Variants in TBC1D17 observed in about 807,000 individuals in gnomAD.
The protein encoded by TBC1D17 is TBC1 domain family member 17.
TBC1D17 carries 69 observed loss-of-function variants against 78.8 expected under a neutral mutation model. The ratio of observed to expected loss-of-function variants is 0.88; its 90% CI spans 0.72 to 1.07. The LOEUF (loss-of-function observed/expected upper bound fraction) is 1.07, where lower values mean the gene tolerates loss of function less well. TBC1D17 is among the 50% of genes least tolerant of loss of function. TBC1D17 has a pLI of 0.00. For missense variants in TBC1D17, 957 were observed against 861.0 expected, an observed-to-expected ratio of 1.11 and a Z score of -1.39; for synonymous variants, 456 against 358.3, an observed-to-expected ratio of 1.27 and a Z score of -3.08.
Position 49,878,493 on chromosome 19 carries a change from C to T in TBC1D17, c.121-5C>T, listed in dbSNP as rs1453264648. The stretch of plus-strand genomic sequence containing the variant: ...CCTCTAACCCCGCCTCCCTCCTTAC[C>T]CTAGGACAATGACGTCCTCCTGCAC... On this transcript the variant is annotated splice_region_variant and splice_polypyrimidine_tract_variant and intron_variant, in intron 2 of 16. Coordinates refer to ENST00000221543, the MANE Select transcript of TBC1D17 (RefSeq NM_024682.3). 4 of 1,613,584 alleles carry T rather than the reference C, an allele frequency of 2.5e-6. No individual in the cohort carries two copies. Among genetic ancestry groups the T allele is most frequent in the East Asian group, 2.2e-5 (1 of 44,898 alleles).
In TBC1D17 at chr19:49,878,554, A is replaced by C; in HGVS notation, c.177A>C (p.Gln59His). The change falls in exon 3 of 17, where the codon CAA becomes CAC. Residue 59 changes from glutamine (Q) to histidine (H), a missense_variant. Coordinates refer to ENST00000221543, the MANE Select transcript of TBC1D17 (RefSeq NM_024682.3). ...APVEEAGDSTQILFSKKDSSG... is the reference protein window; with the variant it reads ...APVEEAGDSTHILFSKKDSSG... The stretch of plus-strand genomic sequence containing the variant: ...TAGAGGAGGCTGGAGATTCCACCCA[A>C]ATCCTCTTCTCCAAGAAGGTAGGCT... 1 of 1,614,040 alleles carries C rather than the reference A, an allele frequency of 6.2e-7. No individual in the cohort carries two copies. Among genetic ancestry groups the C allele is most frequent in the Non-Finnish European group, 8.5e-7 (1 of 1,179,980 alleles).
At chr19:49,887,600 C>T (rs773585832) in intron 14 of TBC1D17, 27 bp downstream of exon 14, 1 of 1,613,014 alleles carries the variant, frequency 6.2e-7, no homozygotes, top group Admixed American at 1.7e-5. Flanking sequence ...GGGCGAGAGG[C>T]CTGAAGGGGT....
intron 7 of TBC1D17, 121 bp from the exon 8 acceptor site, chr19:49,882,643 C>T: frequency 2.1e-6 from 3 of 1,420,278 alleles, no homozygotes; most frequent in East Asian, 2.5e-5. Flanking sequence ...GAGGCTGCTG[C>T]CTGCCCCTGA....
chr19:49,878,362 G>T, intron 2 of TBC1D17, 121 bp downstream of exon 2: 1 of 1,232,706 alleles, frequency 8.1e-7, no homozygotes. Flanking sequence ...AGAAGGCTGG[G>T]TGTGGGAACT....
At position 49,888,516 on chromosome 19, in the gene TBC1D17, G is replaced by A; in HGVS notation, c.1839G>A (p.Ser613=). ...CCACCGCCTCCCCGCTGCCTCTGTC[G>A]CCCACCCGGGCCCCGCCCACCCCGC... ...PSPTASPLPL[S]PTRAPPTPPP... The change falls in exon 17 of 17, where the codon TCG becomes TCA. Residue 613 remains serine (S), a synonymous_variant. Coordinates refer to ENST00000221543, the MANE Select transcript of TBC1D17 (RefSeq NM_024682.3). 6.5e-7 allele frequency: 1 copy of A among 1,531,632 alleles called. No homozygotes were observed. The highest frequency in any genetic ancestry group is 8.8e-7 in the Non-Finnish European group (1 of 1,141,832). 94.9% of individuals were successfully genotyped at this position (1,531,632 alleles called of 1,614,324 possible).
intron 13 of TBC1D17, among the ~76,000 whole-genome samples, chr19:49,885,776 A>C (rs1054983096): frequency 1.3e-5 from 2 of 152,058 alleles, no homozygotes; most frequent in African/African-American, 4.8e-5. Flanking sequence ...GTTCCAGACC[A>C]GGCTGGGCAA....
rs1036137693 is a variant in TBC1D17, at chr19:49,882,503, G to A, written c.798+103G>A. On this transcript the variant is annotated intron_variant, in intron 7 of 16. Coordinates refer to ENST00000221543, the MANE Select transcript of TBC1D17 (RefSeq NM_024682.3). ...GTTTCCTCTTTGGTAAAACGGGGAT[G>A]GTAATGGGACACCCTCAGGGGGTGC... is the stretch of plus-strand genomic sequence containing the variant. 57 of 1,506,310 alleles carry A rather than the reference G, an allele frequency of 3.8e-5. No homozygotes were observed. The African/African-American group carries it at 6.6e-4, about 18-fold the overall frequency. 93.3% of individuals were successfully genotyped at this position (1,506,310 alleles called of 1,614,324 possible).
chr19:49,884,770 G>C lies in TBC1D17; in HGVS notation c.1444+12G>C. 2 of 1,612,570 alleles carry C rather than the reference G, an allele frequency of 1.2e-6. No individual in the cohort carries two copies. Among genetic ancestry groups the C allele is most frequent in the Non-Finnish European group, 1.7e-6 (2 of 1,179,140 alleles). On this transcript the variant is annotated intron_variant, in intron 13 of 16. Coordinates refer to ENST00000221543, the MANE Select transcript of TBC1D17 (RefSeq NM_024682.3). ...CTGCGACTTCCTGGGTATGTCTCTC[G>C]GGAGGGTGGGCAGGAGACAATGGGG...
rs1600441774 is a variant in TBC1D17 at position 49,878,536 on chromosome 19, G to A, written c.159G>A (p.Glu53=). Residue 53 remains glutamate (E), a synonymous_variant, in exon 3 of 17, where the codon GAG becomes GAA. Coordinates refer to ENST00000221543, the MANE Select transcript of TBC1D17 (RefSeq NM_024682.3). ...TCCTGCACTGGGCTCCTGTAGAGGA[G>A]GCTGGAGATTCCACCCAAATCCTCT... The part of the protein sequence containing the change: ...DVLLHWAPVE[E]AGDSTQILFS... 1.2e-6 allele frequency: 2 copies of A among 1,614,148 alleles called. No homozygotes were observed. Among genetic ancestry groups the A allele is most frequent in the Non-Finnish European group, 1.7e-6 (2 of 1,180,008 alleles).
rs771331819 is a variant in TBC1D17 at position 49,884,257 on chromosome 19, G to C, written c.1131G>C (p.Arg377Ser). 6.2e-7 allele frequency: 1 copy of C among 1,613,704 alleles called. No individual in the cohort carries two copies. The highest frequency in any genetic ancestry group is 8.5e-7 in the Non-Finnish European group (1 of 1,180,002). ...LLHGYRSLIE[R>S]DVSRTDRTNK... ...CCCTGTGCCCGGTCCCCGCAGAAAG[G>C]GATGTGAGCCGCACTGACAGGACCA... Residue 377 changes from arginine (R) to serine (S), a missense_variant, in exon 11 of 17, where the codon AGG becomes AGC. Coordinates refer to ENST00000221543, the MANE Select transcript of TBC1D17 (RefSeq NM_024682.3).
At chr19:49,881,663 G>A (rs2122439556) in intron 5 of TBC1D17, among the ~76,000 whole-genome samples, 188 bp downstream of exon 5, 1 of 152,338 alleles carries the variant, frequency 6.6e-6, no homozygotes, top group South Asian at 2.1e-4. Flanking sequence ...GTCCCAAAAT[G>A]TTAGAAACAG....
rs768023170 is a variant in TBC1D17, at chr19:49,887,762, G to A, written c.1587G>A (p.Val529=). The part of the protein sequence containing the change: ...GLPGPNLHLL[V]ACAILDMERD... ...CTGGCCCCAATCTGCACCTGCTGGT[G>A]GCCTGCGCCATCCTGGACATGGAGA... Residue 529 remains valine, a synonymous_variant, in exon 15 of 17, where the codon GTG becomes GTA. Coordinates refer to ENST00000221543, the MANE Select transcript of TBC1D17 (RefSeq NM_024682.3). The A allele has an allele frequency of 1.2e-6, 2 of 1,613,482 alleles. No homozygotes were observed. Among genetic ancestry groups the A allele is most frequent in the Non-Finnish European group, 1.7e-6 (2 of 1,179,880 alleles).
chr19:49,883,203 A>G (rs2075031320), intron 9 of TBC1D17, 127 bp downstream of exon 9: 5 of 822,998 alleles, frequency 6.1e-6, no homozygotes, highest in Middle Eastern at 2.9e-4. Flanking sequence ...CGCCTGTGGA[A>G]TACGGCAATG....
In TBC1D17 at chr19:49,887,873, G is replaced by C. The variant is rs1329589853; in HGVS notation, c.1659+39G>C. The stretch of plus-strand genomic sequence containing the variant: ...CCCGCCCCCGCCCTGTCCCCCCTGA[G>C]CTGGGCGCTGCCCAGGGCCGCAGTA... On this transcript the variant is annotated intron_variant, in intron 15 of 16. Coordinates refer to ENST00000221543, the MANE Select transcript of TBC1D17 (RefSeq NM_024682.3). 4 of 1,514,174 alleles carry C rather than the reference G, an allele frequency of 2.6e-6. No homozygotes were observed. In the Admixed American group the frequency reaches 5.5e-5, roughly 21 times the overall value. The allele number at this position is 1,514,174 out of a possible 1,614,324, so 93.8% of individuals were successfully genotyped here. A position where few individuals can be genotyped will look rare whatever the true frequency, so the allele number is the denominator to read the frequency against.
At position 49,888,574 on chromosome 19, in the gene TBC1D17, A is replaced by G. The variant is rs1020978153; in HGVS notation, c.1897A>G (p.Ser633Gly). ...CACGGACACAGCCCCGCAGCCCGACAGCAGCCTGGAGATCCTGCCCGAGGA... is the reference window on the plus strand; with the variant it reads ...CACGGACACAGCCCCGCAGCCCGACGGCAGCCTGGAGATCCTGCCCGAGGA... ...PSTDTAPQPD[S>G]SLEILPEEED... The change falls in exon 17 of 17, where the codon AGC (serine) becomes GGC (glycine). Residue 633 changes from serine (S) to glycine (G), a missense_variant. By Grantham distance (56) the Ser-to-Gly change is moderately conservative. Transcript: ENST00000221543. 2.2e-5 allele frequency: 32 copies of G among 1,467,746 alleles called. No individual in the cohort carries two copies. The African/African-American group carries it at 3.8e-4, about 17-fold the overall frequency. The allele number at this position is 1,467,746 out of a possible 1,614,324, so 90.9% of individuals were successfully genotyped here.
chr19:49,888,416 G>T lies in TBC1D17; in HGVS notation c.1747-8G>T. The T allele has an allele frequency of 1.3e-6, 2 of 1,593,392 alleles. No individual in the cohort carries two copies. The highest frequency in any genetic ancestry group is 2.2e-5 in the South Asian group (2 of 89,288). On this transcript the variant is annotated splice_region_variant and splice_polypyrimidine_tract_variant and intron_variant, in intron 16 of 16. Coordinates refer to ENST00000221543, the MANE Select transcript of TBC1D17 (RefSeq NM_024682.3). ...CCGCTTTTCGCTTCTCTCATCCCGT[G>T]CCTCCAGGAGCTGCCCCACAACGTG...
chr19:49,882,510 G>T, intron 7 of TBC1D17, 110 bp downstream of exon 7: 1 of 1,491,784 alleles, frequency 6.7e-7, no homozygotes, highest in African/African-American at 1.4e-5. Flanking sequence ...GATGGTAATG[G>T]GACACCCTCA....
chr19:49,882,077 C>G lies in TBC1D17; in HGVS notation c.564C>G (p.Pro188=), dbSNP rs1225608384. The part of the protein sequence containing the change: ...PQDSRLYLVF[P]HDSSALSNSF... The stretch of plus-strand genomic sequence containing the variant: ...ACTCCCGCCTCTACCTTGTCTTCCC[C>G]CACGACTCCTCTGCTCTCTCCAACT... Residue 188 remains proline, a synonymous_variant, in exon 6 of 17, where the codon CCC becomes CCG. Coordinates refer to ENST00000221543, the MANE Select transcript of TBC1D17 (RefSeq NM_024682.3). 6.2e-7 allele frequency: 1 copy of G among 1,614,148 alleles called. No individual in the cohort carries two copies. Among genetic ancestry groups the G allele is most frequent in the East Asian group, 2.2e-5 (1 of 44,894 alleles).
chr19:49,883,446 C>T (rs1322127619), intron 9 of TBC1D17, among the ~76,000 whole-genome samples: 1 of 152,124 alleles, frequency 6.6e-6, no homozygotes, highest in Non-Finnish European at 1.5e-5. Flanking sequence ...AAATTTTCAT[C>T]AAAAGGCCAC....
Sources: gnomAD v4.1 joint callset for allele counts (sites outside exome capture counted in the v4.1 genomes callset) on GRCh38, gnomAD v4.1.1 for gene constraint, MANE v1.5 for transcripts, NCBI Gene and HGNC (gene_info 2026-07-23, HGNC 2026-07-21) for gene names.